ERC2: variants seen among roughly 807,000 people sequenced by gnomAD.
ERC2 encodes the protein ERC protein 2.
A neutral mutation model predicts 114.8 loss-of-function variants in ERC2; 42 were observed. That is an observed-to-expected ratio of 0.37 (90% CI 0.29 to 0.47). The LOEUF (loss-of-function observed/expected upper bound fraction) is 0.47, where lower values mean the gene tolerates loss of function less well. ERC2 is among the 20% of genes least tolerant of loss of function. The probability of loss-of-function intolerance (pLI) is 0.99; values close to 1 mark genes in which losing one functional copy is unlikely to be tolerated. For synonymous variants in ERC2, 454 were observed against 425.5 expected (o/e 1.07, Z -0.82); for missense variants, 939 against 1,150.7 (o/e 0.82, Z 2.66).
chr3:55,918,175 C>T (rs1010749489), intron 13 of ERC2, among the ~76,000 whole-genome samples: 8 of 151,770 alleles, frequency 5.3e-5, no homozygotes, highest in Admixed American at 2.6e-4. Context: ...TTTCATTGAC[C>T]GAAGCTTGGT....
chr3:55,792,119 T>A (rs1271165104), intron 14 of ERC2, among the ~76,000 whole-genome samples: 1 of 152,158 alleles, frequency 6.6e-6, no homozygotes, highest in Non-Finnish European at 1.5e-5. Flanking sequence ...AAACAGACTA[T>A]AACAGACTAT....
At chr3:55,570,014 A>G (rs973913117) in intron 17 of ERC2, among the ~76,000 whole-genome samples, 9 of 152,130 alleles carry the variant, frequency 5.9e-5, no homozygotes, top group African/African-American at 1.9e-4. Flanking sequence ...GTGTACCACC[A>G]TGCCTGGCTA....
intron 13 of ERC2, among the ~76,000 whole-genome samples, chr3:55,894,602 T>TA (rs1425268951): frequency 6.6e-6 from 1 of 151,974 alleles, no homozygotes; most frequent in Non-Finnish European, 1.5e-5. Context: ...CCCTACTTTA[T>TA]AAAAAAAGAA....
chr3:55,593,168 A>T (rs2057977432), intron 17 of ERC2, among the ~76,000 whole-genome samples: 1 of 152,074 alleles, frequency 6.6e-6, no homozygotes. Context: ...TCATCCAACT[A>T]CCTGTCACAC....
chr3:55,853,899 A>C (rs1383045654), intron 14 of ERC2, among the ~76,000 whole-genome samples: 2 of 152,228 alleles, frequency 1.3e-5, no homozygotes. Context: ...ACTTGAAAAC[A>C]GTGAAAATGA....
At chr3:55,565,897 C>A (rs914947248) in intron 17 of ERC2, among the ~76,000 whole-genome samples, 1 of 152,200 alleles carries the variant, frequency 6.6e-6, no homozygotes, top group African/African-American at 2.4e-5. Context: ...CAGGGCGAGT[C>A]AAAAGTCTTT....
At position 55,944,080 on chromosome 3, in the gene ERC2, A is replaced by G. The variant is rs73831813; in HGVS notation, c.2403+6345T>C. The stretch of plus-strand genomic sequence containing the variant: ...TGAGTTTGCTTAGAAAGCCCCCTCA[A>G]AATAAATAAGAGATGACTATACCAT... On this transcript the variant is annotated intron_variant, in intron 13 of 17. Transcript: ENST00000288221. Among the ~76,000 whole-genome samples the G allele has an allele frequency of 7.6e-3, 1,151 of 152,358 alleles. 8 individuals are homozygous for G. Among genetic ancestry groups the G allele is most frequent in the Middle Eastern group, 0.031 (9 of 294 alleles).
chr3:55,533,815 C>T (rs1158725799), intron 17 of ERC2, among the ~76,000 whole-genome samples: 1 of 152,214 alleles, frequency 6.6e-6, no homozygotes, highest in Admixed American at 6.5e-5. Flanking sequence ...CATTTTCTCC[C>T]TTCCAGATGC....
intron 13 of ERC2, among the ~76,000 whole-genome samples, chr3:55,936,378 TAGG>T (rs2066445723): frequency 6.6e-6 from 1 of 152,178 alleles, no homozygotes; most frequent in Admixed American, 6.5e-5. Flanking sequence ...TCCTACATTC[TAGG>T]AGGAGGGATG....
At chr3:56,167,832 G>C (rs1160637781) in intron 4 of ERC2, among the ~76,000 whole-genome samples, 2 of 152,126 alleles carry the variant, frequency 1.3e-5, no homozygotes, top group East Asian at 3.9e-4. Context: ...TATGTTGGCT[G>C]TAATGTACAT....
At chr3:56,271,355 C>A (rs1244200531) in intron 3 of ERC2, among the ~76,000 whole-genome samples, 1 of 152,188 alleles carries the variant, frequency 6.6e-6, no homozygotes, top group Non-Finnish European at 1.5e-5. Context: ...TATGCACAGT[C>A]CCTTGGGAAA....
chr3:55,900,574 T>G (rs1449777996), intron 13 of ERC2, among the ~76,000 whole-genome samples: 1 of 152,214 alleles, frequency 6.6e-6, no homozygotes, highest in African/African-American at 2.4e-5. Context: ...CACCTATTGA[T>G]GATGACAAAT....
chr3:56,322,835 T>C (rs994060430), intron 2 of ERC2, among the ~76,000 whole-genome samples: 2 of 152,166 alleles, frequency 1.3e-5, no homozygotes, highest in African/African-American at 4.8e-5. Context: ...TGGATGTGGT[T>C]TGTCCCCATC....
intron 3 of ERC2, among the ~76,000 whole-genome samples, chr3:56,210,820 G>A (rs2049012744): frequency 6.6e-6 from 1 of 152,106 alleles, no homozygotes; most frequent in African/African-American, 2.4e-5. Context: ...TCTACCATAT[G>A]ACAAGAAAGT....
intron 17 of ERC2, among the ~76,000 whole-genome samples, chr3:55,576,792 G>GA (rs1290141998): frequency 6.6e-6 from 1 of 152,236 alleles, no homozygotes; most frequent in Non-Finnish European, 1.5e-5. Flanking sequence ...CACCATGTCA[G>GA]AAAACTGCAG....
At chr3:56,173,600 C>T in intron 3 of ERC2, 80 bp from the exon 4 acceptor site, 1 of 1,324,288 alleles carries the variant, frequency 7.6e-7, no homozygotes, top group Non-Finnish European at 1.1e-6. Context: ...TACTACACAG[C>T]CTGCTGGGTC....
chr3:56,068,336 G>T (rs897246078), intron 7 of ERC2, among the ~76,000 whole-genome samples: 13 of 152,090 alleles, frequency 8.5e-5, no homozygotes, highest in Non-Finnish European at 1.6e-4. Context: ...AGAGGTGTTT[G>T]TACTCTTCTC....
chr3:55,980,487 G>A (rs12491087), intron 12 of ERC2, among the ~76,000 whole-genome samples: 9,253 of 152,220 alleles, frequency 0.061, 388 homozygotes, highest in East Asian at 0.14. Flanking sequence ...TCTACAACCT[G>A]AGCTAGTATT....
At chr3:55,763,083 CT>C (rs2067555875) in intron 14 of ERC2, among the ~76,000 whole-genome samples, 1 of 152,122 alleles carries the variant, frequency 6.6e-6, no homozygotes, top group African/African-American at 2.4e-5. Context: ...TGAGGAATGA[CT>C]TGGATTTGGT....
Sources: allele counts gnomAD v4.1 joint callset (sites outside exome capture counted in the v4.1 genomes callset), GRCh38; gene constraint gnomAD v4.1.1; transcripts MANE v1.5; gene names NCBI Gene and HGNC (gene_info 2026-07-23, HGNC 2026-07-21).